The following CELF4 variants were observed in gnomAD, a reference collection of about 807,000 sequenced individuals.
CELF4 encodes CUG-BP- and ETR-3-like factor 4.
CELF4 carries 18 observed loss-of-function variants against 59.9 expected under a neutral mutation model. The observed-to-expected ratio is 0.30, with a 90% CI of 0.21 to 0.45. The LOEUF (loss-of-function observed/expected upper bound fraction) is 0.45. Ranked by LOEUF, CELF4 falls within the 20% of genes least tolerant of loss-of-function variation. The pLI, the probability that CELF4 is intolerant of heterozygous loss-of-function variation, is 1.00. For missense variants in CELF4, 456 were observed against 689.0 expected (o/e 0.66, Z 3.79); for synonymous variants, 261 against 267.1 (o/e 0.98, Z 0.22).
At chr18:37,319,637 C>T (rs1569561114) in intron 3 of CELF4, among the ~76,000 whole-genome samples, 1 of 152,368 alleles carries the variant, frequency 6.6e-6, no homozygotes, top group East Asian at 1.9e-4. Context: ...AGCGGCCACA[C>T]CACAGCACCC....
rs558335830 is a variant in CELF4 at position 37,272,007 on chromosome 18, G to C, written c.949+1009C>G. Among the ~76,000 whole-genome samples, 165 of 152,308 alleles carry C rather than the reference G, an allele frequency of 1.1e-3. No homozygotes were observed. The Middle Eastern group carries it at 0.017, about 16-fold the overall frequency. ...CTGCCTGGGCTCATGTGTATCCCTTGAAGTTGGGGATCAGAGGTGAAGAGT... is the reference window on the plus strand; with the variant it reads ...CTGCCTGGGCTCATGTGTATCCCTTCAAGTTGGGGATCAGAGGTGAAGAGT... On this transcript the variant is annotated intron_variant, in intron 7 of 12. Transcript: ENST00000420428.
At chr18:37,538,797 C>G (rs1266185813) in intron 1 of CELF4, among the ~76,000 whole-genome samples, 4 of 152,194 alleles carry the variant, frequency 2.6e-5, no homozygotes, top group African/African-American at 9.7e-5. Context: ...TTCTCTCTCC[C>G]TCACTCAGCA....
chr18:37,339,134 A>G (rs1026271868), intron 2 of CELF4, among the ~76,000 whole-genome samples: 14 of 152,232 alleles, frequency 9.2e-5, no homozygotes, highest in African/African-American at 3.4e-4. Flanking sequence ...ATCATAAATC[A>G]TATTTCCTAT....
At chr18:37,357,282 T>A (rs961730717) in intron 2 of CELF4, among the ~76,000 whole-genome samples, 1 of 152,154 alleles carries the variant, frequency 6.6e-6, no homozygotes, top group African/African-American at 2.4e-5. Flanking sequence ...CCACCCTGCA[T>A]CCTAGCTGCT....
intron 3 of CELF4, among the ~76,000 whole-genome samples, chr18:37,308,338 T>C (rs552680444): frequency 6.6e-6 from 1 of 152,338 alleles, no homozygotes; most frequent in South Asian, 2.1e-4. Flanking sequence ...CCTTTTGCCC[T>C]GGGCAGGCTT....
chr18:37,442,249 A>C (rs1387019114), intron 2 of CELF4, among the ~76,000 whole-genome samples: 1 of 152,174 alleles, frequency 6.6e-6, no homozygotes, highest in Non-Finnish European at 1.5e-5. Context: ...GTAGGGACCC[A>C]TGCCTCCAGG....
chr18:37,284,376 G>T (rs528366079), intron 3 of CELF4, among the ~76,000 whole-genome samples: 2 of 152,064 alleles, frequency 1.3e-5, no homozygotes, highest in South Asian at 4.1e-4. Flanking sequence ...AAGGCAAAAG[G>T]CCTGGCCCCT....
intron 1 of CELF4, among the ~76,000 whole-genome samples, chr18:37,555,639 C>A (rs1207164919): frequency 6.6e-6 from 1 of 152,190 alleles, no homozygotes; most frequent in South Asian, 2.1e-4. Context: ...TATTGGTCAA[C>A]CAAGATATTG....
intron 3 of CELF4, among the ~76,000 whole-genome samples, chr18:37,281,225 GT>G (rs2094104394): frequency 6.6e-6 from 1 of 152,248 alleles, no homozygotes; most frequent in Non-Finnish European, 1.5e-5. Context: ...GCCGGGCAGG[GT>G]GAGTGGGCCT....
chr18:37,396,354 A>G (rs912628948), intron 2 of CELF4, among the ~76,000 whole-genome samples: 1 of 152,208 alleles, frequency 6.6e-6, no homozygotes, highest in Non-Finnish European at 1.5e-5. Flanking sequence ...AAGATGGGAG[A>G]TCCAAATTCT....
intron 5 of CELF4, 158 bp from the exon 6 acceptor site, chr18:37,274,612 G>T: frequency 6.6e-7 from 1 of 1,523,418 alleles, no homozygotes; most frequent in South Asian, 1.2e-5. Flanking sequence ...ACCCCACCGC[G>T]GGCATTTTCC....
At chr18:37,517,022 C>G (rs1044456235) in intron 1 of CELF4, among the ~76,000 whole-genome samples, 2 of 152,244 alleles carry the variant, frequency 1.3e-5, no homozygotes, top group Admixed American at 6.5e-5. Flanking sequence ...TCACACAGCC[C>G]TCACATATGT....
chr18:37,315,627 A>AC (rs1217355561), intron 3 of CELF4, among the ~76,000 whole-genome samples: 2 of 151,626 alleles, frequency 1.3e-5, no homozygotes, highest in Non-Finnish European at 2.9e-5. Flanking sequence ...CCCATGGAGC[A>AC]CCCCCCAGTG....
chr18:37,375,350 G>A (rs533741206), intron 2 of CELF4, among the ~76,000 whole-genome samples: 38 of 152,272 alleles, frequency 2.5e-4, no homozygotes, highest in Admixed American at 1.2e-3. Context: ...CCGGCTGGAC[G>A]GCTCTCGGGG....
In CELF4 at chr18:37,565,731, A is replaced by C. The variant is rs1404378477; in HGVS notation, c.-90T>G. ...CTCGCGCTCACACACGCACACGCAT[A>C]CACACACTCGGGTTCTCTCCCCCTC... is the stretch of plus-strand genomic sequence containing the variant. On this transcript the variant is annotated 5_prime_UTR_variant, in exon 1 of 13. Transcript: ENST00000420428. The C allele has an allele frequency of 8.9e-7, 1 of 1,117,982 alleles. No homozygotes were observed. The highest frequency in any genetic ancestry group is 1.2e-6 in the Non-Finnish European group (1 of 809,080). The allele number at this position is 1,117,982 out of a possible 1,614,324, so 69.3% of individuals were successfully genotyped here.
At chr18:37,431,310 T>G (rs1172269407) in intron 2 of CELF4, among the ~76,000 whole-genome samples, 1 of 151,660 alleles carries the variant, frequency 6.6e-6, no homozygotes, top group African/African-American at 2.4e-5. Context: ...GCTTATCATC[T>G]CCTCATTTTT....
At chr18:37,339,436 A>G (rs748606949) in intron 2 of CELF4, among the ~76,000 whole-genome samples, 4 of 152,200 alleles carry the variant, frequency 2.6e-5, no homozygotes, top group Non-Finnish European at 5.9e-5. Flanking sequence ...GAGTGTGCTC[A>G]TACATGTAGT....
chr18:37,366,888 C>T (rs1349974052), intron 2 of CELF4, among the ~76,000 whole-genome samples: 1 of 152,190 alleles, frequency 6.6e-6, no homozygotes, highest in Non-Finnish European at 1.5e-5. Flanking sequence ...CTGCTTCCAC[C>T]CATCTACCCG....
intron 2 of CELF4, among the ~76,000 whole-genome samples, chr18:37,378,458 AATGG>A (rs2098997565): frequency 6.6e-6 from 1 of 152,156 alleles, no homozygotes; most frequent in Admixed American, 6.5e-5. Flanking sequence ...TAAATAGGAT[AATGG>A]ATTTTAAAAT....
Sources: gnomAD v4.1 joint callset for allele counts (sites outside exome capture counted in the v4.1 genomes callset) on GRCh38, gnomAD v4.1.1 for gene constraint, MANE v1.5 for transcripts, NCBI Gene and HGNC (gene_info 2026-07-23, HGNC 2026-07-21) for gene names.